NBPF3: variants seen among roughly 807,000 people sequenced by gnomAD.
NBPF3 encodes NBPF family member NBPF3.
Under a neutral mutation model 78.1 loss-of-function variants are expected in NBPF3, and 57 were observed. The ratio of observed to expected loss-of-function variants is 0.73; its 90% CI spans 0.59 to 0.91. The LOEUF is 0.91. NBPF3 is among the 40% of genes least tolerant of loss of function. NBPF3 has a pLI of 0.00. For missense variants in NBPF3, 510 were observed against 715.3 expected (o/e 0.71, Z 3.27); for synonymous variants, 182 against 271.7 (o/e 0.67, Z 3.25).
chr1:21,464,949 G>A (rs1642170528), intron 2 of NBPF3, among the ~76,000 whole-genome samples: 1 of 146,956 alleles, frequency 6.8e-6, no homozygotes, highest in South Asian at 2.1e-4. Flanking sequence ...CAAGGTTGCC[G>A]TGATCTATAA....
chr1:21,478,927 C>A (rs1218757452), intron 9 of NBPF3, among the ~76,000 whole-genome samples: 2 of 152,174 alleles, frequency 1.3e-5, no homozygotes, highest in African/African-American at 4.8e-5. Flanking sequence ...GTCACTTTGA[C>A]TCAAGAGCTG....
intron 2 of NBPF3, among the ~76,000 whole-genome samples, chr1:21,447,109 T>A (rs1162909687): frequency 6.6e-6 from 1 of 152,130 alleles, no homozygotes; most frequent in Non-Finnish European, 1.5e-5. Context: ...TTAATAGAAT[T>A]TTTTTTAGAA....
At position 21,472,910 on chromosome 1, in the gene NBPF3, C is replaced by G. The variant is rs755139672; in HGVS notation, c.729C>G (p.Ala243=). ...EEAEKVQELY[A]PREVQKAEEK... Reference sequence around the variant, plus strand: ...CTGAGAAAGTACAGGAATTATATGCCCCCAGGTAACGCTGAATAATCGGGA... The same window carrying G: ...CTGAGAAAGTACAGGAATTATATGCGCCCAGGTAACGCTGAATAATCGGGA... The change falls in exon 6 of 15, where the codon GCC becomes GCG. Residue 243 remains alanine, a synonymous_variant. Coordinates refer to ENST00000318249, the MANE Select transcript of NBPF3 (RefSeq NM_032264.6). 6.2e-7 allele frequency: 1 copy of G among 1,608,254 alleles called. No homozygotes were observed. The highest frequency in any genetic ancestry group is 8.5e-7 in the Non-Finnish European group (1 of 1,174,736).
At chr1:21,441,580 G>C (rs1364886216) in intron 1 of NBPF3, among the ~76,000 whole-genome samples, 7 of 151,880 alleles carry the variant, frequency 4.6e-5, no homozygotes, top group Non-Finnish European at 8.8e-5. Context: ...GGTGGTGTGT[G>C]CCTGTAGTCC....
chr1:21,439,872 C>G (rs576511803), upstream of NBPF3, among the ~76,000 whole-genome samples: 4 of 152,302 alleles, frequency 2.6e-5, no homozygotes, highest in South Asian at 4.1e-4. Context: ...CCGGGGAAAT[C>G]AGCGATTTGG....
intron 2 of NBPF3, among the ~76,000 whole-genome samples, chr1:21,453,059 A>G (rs1302338425): frequency 6.6e-6 from 1 of 152,112 alleles, no homozygotes; most frequent in Non-Finnish European, 1.5e-5. Context: ...TTTCCCCATG[A>G]CATCCCCTCC....
chr1:21,473,322 G>C, intron 6 of NBPF3, 58 bp from the exon 7 acceptor site: 1 of 1,576,420 alleles, frequency 6.3e-7, no homozygotes, highest in Non-Finnish European at 8.7e-7. Context: ...AGCACTCCCT[G>C]GTGTCCAATC....
chr1:21,436,974 T>A (rs1640438576), upstream of NBPF3: 1 of 365,074 alleles, frequency 2.7e-6, no homozygotes, highest in Non-Finnish European at 4.9e-6. This position sits in a 1 kb window ranked among gnomAD's most constrained non-coding sequence, Gnocchi z 4.3. Context: ...AGTGTCAGGA[T>A]CCCCAAGGAG....
intron 5 of NBPF3, 125 bp downstream of exon 5, chr1:21,471,908 C>T (rs1418808300): frequency 1.2e-5 from 16 of 1,288,976 alleles, no homozygotes; most frequent in African/African-American, 4.4e-5. Flanking sequence ...GTGGCCGTGA[C>T]ATAAGTGACA....
At position 21,484,183 on chromosome 1, in the gene NBPF3, G is replaced by C. The variant is rs1323530672; in HGVS notation, c.*797G>C. On this transcript the variant is annotated 3_prime_UTR_variant, in exon 15 of 15. Coordinates refer to ENST00000318249, the MANE Select transcript of NBPF3 (RefSeq NM_032264.6). ...AATCACCAGACAACTGCAGAATGTAGAACACTGAGCAGGACAACTGACCTG... is the reference window on the plus strand; with the variant it reads ...AATCACCAGACAACTGCAGAATGTACAACACTGAGCAGGACAACTGACCTG... The C allele has an allele frequency of 8.5e-6, 1 of 118,000 alleles. No homozygotes were observed. The highest frequency in any genetic ancestry group is 1.9e-5 in the Non-Finnish European group (1 of 53,964). 7.3% of individuals were successfully genotyped at this position (118,000 alleles called of 1,614,324 possible).
chr1:21,468,652 T>C, intron 2 of NBPF3, 36 bp from the exon 3 acceptor site: 1 of 1,612,390 alleles, frequency 6.2e-7, no homozygotes, highest in Non-Finnish European at 8.5e-7. Context: ...TTCACCAGTT[T>C]TTAACCCATC....
chr1:21,449,636 A>T (rs1323695980), intron 2 of NBPF3, among the ~76,000 whole-genome samples: 1 of 151,810 alleles, frequency 6.6e-6, no homozygotes, highest in Non-Finnish European at 1.5e-5. Context: ...ACGCCTGGCT[A>T]ATTTTTGTAT....
intron 2 of NBPF3, among the ~76,000 whole-genome samples, chr1:21,451,176 T>C (rs1278743049): frequency 1.3e-5 from 2 of 152,260 alleles, no homozygotes; most frequent in Admixed American, 6.5e-5. Flanking sequence ...GTTTGTTCCT[T>C]TAGCCATTCC....
In NBPF3 at chr1:21,453,089, G is replaced by A. The variant is rs12120255; in HGVS notation, c.133+7870G>A. Among the ~76,000 whole-genome samples the A allele has an allele frequency of 7.0e-4, 107 of 152,188 alleles. 1 individual carries two copies. The highest frequency in any genetic ancestry group is 3.4e-3 in the Middle Eastern group (1 of 294). On this transcript the variant is annotated intron_variant, in intron 2 of 14. Transcript: ENST00000318249. ...CCCTCCTTCTTCCCACAGATCCACT[G>A]TCCGCTCATTTCCATCCTGTCTCAT...
intron 2 of NBPF3, chr1:21,453,432 TGAGGAGAACA>T (rs914816351): frequency 7.2e-5 from 11 of 152,270 alleles, no homozygotes; most frequent in African/African-American, 2.6e-4. Context: ...AATGCACAGG[TGAGGAGAACA>T]GCGGCATGCG....
At chr1:21,437,242 G>T (rs1640443075), upstream of NBPF3, among the ~76,000 whole-genome samples, 1 of 151,960 alleles carries the variant, frequency 6.6e-6, no homozygotes, top group South Asian at 2.1e-4. Flanking sequence ...AGGGGGAGGA[G>T]CCTGGGAGCC....
rs542505688 is a variant in NBPF3 at position 21,476,173 on chromosome 1, C to T, written c.992+1222C>T. Among the ~76,000 whole-genome samples, 4 of 152,206 alleles carry T rather than the reference C, an allele frequency of 2.6e-5. No homozygotes were observed. The highest frequency in any genetic ancestry group is 6.5e-5 in the Admixed American group (1 of 15,276). ...TTTTGAGCCTATGTGTGTCTCTGCA[C>T]GTGAGATGGGTCTCCTGCGTACAGC... On this transcript the variant is annotated intron_variant, in intron 8 of 14. Coordinates refer to ENST00000318249, the MANE Select transcript of NBPF3 (RefSeq NM_032264.6). This position sits in a 1 kb window ranked among gnomAD's most constrained non-coding sequence, Gnocchi z 4.1.
chr1:21,442,717 G>A (rs1283853006), intron 1 of NBPF3, among the ~76,000 whole-genome samples: 1 of 151,052 alleles, frequency 6.6e-6, no homozygotes, highest in African/African-American at 2.4e-5. Flanking sequence ...AGGCTAGAGT[G>A]TGGTGGCAGG....
At chr1:21,457,816 C>T (rs943160035) in intron 2 of NBPF3, among the ~76,000 whole-genome samples, 4 of 152,146 alleles carry the variant, frequency 2.6e-5, no homozygotes, top group African/African-American at 7.2e-5. Flanking sequence ...CCAGACCAGA[C>T]TGAGGGGTGG....
Sources: gnomAD v4.1 joint callset for allele counts (sites outside exome capture counted in the v4.1 genomes callset) on GRCh38, gnomAD v4.1.1 for gene constraint, Gnocchi (gnomAD v3.1) non-coding constraint, MANE v1.5 for transcripts, NCBI Gene and HGNC (gene_info 2026-07-23, HGNC 2026-07-21) for gene names.